The following MAP4K2 variants were observed in gnomAD, a reference collection of about 807,000 sequenced individuals.
The protein encoded by MAP4K2 is B lymphocyte serine/threonine protein kinase.
MAP4K2 carries 85 observed loss-of-function variants against 125.3 expected under a neutral mutation model. That is an observed-to-expected ratio of 0.68 (90% CI 0.57 to 0.81). MAP4K2 has a LOEUF of 0.81. Ranked by LOEUF, MAP4K2 falls within the 40% of genes least tolerant of loss-of-function variation. MAP4K2 has a pLI of 0.00. For missense variants in MAP4K2, 923 were observed against 1,056.4 expected (o/e 0.87, Z 1.75); for synonymous variants, 479 against 445.1 (o/e 1.08, Z -0.96).
rs1220644340 is a variant in MAP4K2 at position 64,788,177 on chromosome 11, A to G, written c.*1360T>C. 8 of 152,444 alleles carry G rather than the reference A, an allele frequency of 5.2e-5. No homozygotes were observed. Among genetic ancestry groups the G allele is most frequent in the Admixed American group, 1.3e-4 (2 of 15,290 alleles). 9.4% of individuals were successfully genotyped at this position (152,444 alleles called of 1,614,324 possible). A position where few individuals can be genotyped will look rare whatever the true frequency, so the allele number is the denominator to read the frequency against. On this transcript the variant is annotated 3_prime_UTR_variant, in exon 32 of 32. Coordinates refer to ENST00000294066, the MANE Select transcript of MAP4K2 (RefSeq NM_004579.5). ...GAGCCTACTCGCATGGCTGCCATCC[A>G]CCTACCACGTCACTCCGCAAGTCTT...
At position 64,796,906 on chromosome 11, in the gene MAP4K2, C is replaced by G. The variant is rs772640103; in HGVS notation, c.1408-13G>C. ...AGCAGGCGCCCATCTGCAGAGGAGGCAAGAGGCTGGCGAGGGAGTGCAGGG... is the reference window on the plus strand; with the variant it reads ...AGCAGGCGCCCATCTGCAGAGGAGGGAAGAGGCTGGCGAGGGAGTGCAGGG... On this transcript the variant is annotated splice_polypyrimidine_tract_variant and intron_variant, in intron 20 of 31. Transcript: ENST00000294066. 1 of 1,613,968 alleles carries G rather than the reference C, an allele frequency of 6.2e-7. No individual in the cohort carries two copies. The highest frequency in any genetic ancestry group is 8.5e-7 in the Non-Finnish European group (1 of 1,180,008).
Position 64,800,751 on chromosome 11 carries a change from GT to G in MAP4K2, c.725+12del, listed in dbSNP as rs1565624342. 1 of 1,596,096 alleles carries G rather than the reference GT, an allele frequency of 6.3e-7. No homozygotes were observed. Among genetic ancestry groups the G allele is most frequent in the East Asian group, 2.3e-5 (1 of 44,152 alleles). On this transcript the variant is annotated intron_variant, in intron 10 of 31. Transcript: ENST00000294066. ...CAGAAAAGGGGGTCCCGGCAGCAGG[GT>G]GTGGCCCTTACCAGCGAGTCTTATC...
In MAP4K2 at chr11:64,802,953, G is replaced by A. The variant is rs1327626259; in HGVS notation, c.97-11C>T. 10 of 1,569,684 alleles carry A rather than the reference G, an allele frequency of 6.4e-6. No individual in the cohort carries two copies. Among genetic ancestry groups the A allele is most frequent in the Non-Finnish European group, 6.9e-6 (8 of 1,158,768 alleles). ...GACCGTGTCGCGGGCCTGCAGGGGCGGAGGGTGAAGCGGGATGGGGGGCGG... is the reference window on the plus strand; with the variant it reads ...GACCGTGTCGCGGGCCTGCAGGGGCAGAGGGTGAAGCGGGATGGGGGGCGG... On this transcript the variant is annotated splice_polypyrimidine_tract_variant and intron_variant, in intron 1 of 31. Transcript: ENST00000294066.
intron 24 of MAP4K2, among the ~76,000 whole-genome samples, chr11:64,793,668 C>G (rs553571371): frequency 6.6e-6 from 1 of 152,198 alleles, no homozygotes; most frequent in Non-Finnish European, 1.5e-5. Flanking sequence ...TGGTCCTCGT[C>G]CCTCCCTCTC....
At chr11:64,795,513 G>T (rs1243232397) in intron 24 of MAP4K2, among the ~76,000 whole-genome samples, 2 of 151,892 alleles carry the variant, frequency 1.3e-5, no homozygotes, top group Admixed American at 6.6e-5. Flanking sequence ...CGATTCTCCT[G>T]TCTCAGCCTC....
At position 64,794,433 on chromosome 11, in the gene MAP4K2, C is replaced by T. The variant is rs916318083; in HGVS notation, c.1751+1840G>A. Among the ~76,000 whole-genome samples, 34 of 151,652 alleles carry T rather than the reference C, an allele frequency of 2.2e-4. 2 individuals carry two copies. The highest frequency in any genetic ancestry group is 2.0e-3 in the Admixed American group (31 of 15,228). On this transcript the variant is annotated intron_variant, in intron 24 of 31. Coordinates refer to ENST00000294066, the MANE Select transcript of MAP4K2 (RefSeq NM_004579.5). ...GGAGTGCAATGGTGCGATCTCGGCTCATTGCAACCTCCGCCTCCCAGGTTC... is the reference window on the plus strand; with the variant it reads ...GGAGTGCAATGGTGCGATCTCGGCTTATTGCAACCTCCGCCTCCCAGGTTC...
At chr11:64,790,003 C>A in intron 29 of MAP4K2, 44 bp from the exon 30 acceptor site, 2 of 1,605,350 alleles carry the variant, frequency 1.2e-6, no homozygotes, top group Non-Finnish European at 1.7e-6. Flanking sequence ...CATCTTGGCA[C>A]CCCCTCAGCC....
At position 64,797,663 on chromosome 11, in the gene MAP4K2, T is replaced by C. The variant is rs1463494082; in HGVS notation, c.1099A>G (p.Ser367Gly). Residue 367 changes from serine (S) to glycine (G), a missense_variant and splice_region_variant, in exon 16 of 32, where the codon AGC (serine) becomes GGC (glycine). Coordinates refer to ENST00000294066, the MANE Select transcript of MAP4K2 (RefSeq NM_004579.5). ...GCCTCCTGGACCGACTGCAGCAGGCTCCTGGGCAGTGGGGAAAAGGGGTCA... is the reference window on the plus strand; with the variant it reads ...GCCTCCTGGACCGACTGCAGCAGGCCCCTGGGCAGTGGGGAAAAGGGGTCA... ...TLLGKEELSG[S>G]LLQSVQEALE... 1 of 1,550,862 alleles carries C rather than the reference T, an allele frequency of 6.4e-7. No homozygotes were observed. Among genetic ancestry groups the C allele is most frequent in the South Asian group, 1.2e-5 (1 of 83,504 alleles).
Position 64,797,139 on chromosome 11 carries a change from C to CCGTGGGCAG in MAP4K2, c.1321_1329dup (p.Leu441_Thr443dup). On this transcript the variant is annotated inframe_insertion, in exon 19 of 32. Transcript: ENST00000294066. The stretch of plus-strand genomic sequence containing the variant: ...TCCCGCTGCTTCATGGTGGCCCAGG[C>CCGTGGGCAG]CGTGGGCAGCAGTGGGGAGCTGTTG... 6.2e-7 allele frequency: 1 copy of CCGTGGGCAG among 1,614,162 alleles called. No individual in the cohort carries two copies. The highest frequency in any genetic ancestry group is 8.5e-7 in the Non-Finnish European group (1 of 1,180,026).
chr11:64,790,148 G>A (rs1385308306), intron 29 of MAP4K2, 40 bp downstream of exon 29: 5 of 1,609,082 alleles, frequency 3.1e-6, no homozygotes. Flanking sequence ...ACGTGCTCCA[G>A]GCCAGGGAAA....
At chr11:64,802,832 C>A in intron 2 of MAP4K2, 53 bp downstream of exon 2, 1 of 1,562,654 alleles carries the variant, frequency 6.4e-7, no homozygotes, top group Non-Finnish European at 8.7e-7. Context: ...GCACCCCGCG[C>A]CCGCGGGCGC....
Position 64,801,954 on chromosome 11 carries a change from C to T in MAP4K2, c.366+112G>A. On this transcript the variant is annotated intron_variant, in intron 5 of 31. Coordinates refer to ENST00000294066, the MANE Select transcript of MAP4K2 (RefSeq NM_004579.5). ...CCCCTTTTCCCCAGGACCTACAGCCCCTCGGGCCAGCCCCACCCGAGGCAC... is the reference window on the plus strand; with the variant it reads ...CCCCTTTTCCCCAGGACCTACAGCCTCTCGGGCCAGCCCCACCCGAGGCAC... The T allele has an allele frequency of 6.4e-6, 8 of 1,246,186 alleles. No individual in the cohort carries two copies. In the South Asian group the frequency reaches 1.1e-4, roughly 18 times the overall value. 77.2% of individuals were successfully genotyped at this position (1,246,186 alleles called of 1,614,324 possible).
At position 64,793,424 on chromosome 11, in the gene MAP4K2, G is replaced by C. The variant is rs557775285; in HGVS notation, c.1752-1002C>G. On this transcript the variant is annotated intron_variant, in intron 24 of 31. Coordinates refer to ENST00000294066, the MANE Select transcript of MAP4K2 (RefSeq NM_004579.5). ...AGAGGCAACAGCCCTGTGGGGCCAG[G>C]GGGTGGCTTGCCTTGCTGTCGGGGT... is the stretch of plus-strand genomic sequence containing the variant. Among the ~76,000 whole-genome samples, 7 of 152,296 alleles carry C rather than the reference G, an allele frequency of 4.6e-5. No individual in the cohort carries two copies. The East Asian group carries it at 9.7e-4, about 21-fold the overall frequency.
chr11:64,797,172 AAGG>A lies in MAP4K2; in HGVS notation c.1294_1296del (p.Pro432del). On this transcript the variant is annotated inframe_deletion, in exon 19 of 32. Transcript: ENST00000294066. ...AGCAGTGGGGAGCTGTTGGGGCCTG[AAGG>A]AGGTGGGGGCAGGGTTCCTGCAGGC... 6.2e-7 allele frequency: 1 copy of A among 1,613,804 alleles called. No individual in the cohort carries two copies. The highest frequency in any genetic ancestry group is 8.5e-7 in the Non-Finnish European group (1 of 1,179,874).
In MAP4K2 at chr11:64,789,400, C is replaced by T; in HGVS notation, c.*137G>A. On this transcript the variant is annotated 3_prime_UTR_variant, in exon 32 of 32. Coordinates refer to ENST00000294066, the MANE Select transcript of MAP4K2 (RefSeq NM_004579.5). ...CCCTCCCCAGGCCTGAAACATTTCT[C>T]AGGATTACTTCTGACCTTCAGCCCC... 2.7e-6 allele frequency: 2 copies of T among 735,840 alleles called. No homozygotes were observed. Among genetic ancestry groups the T allele is most frequent in the Non-Finnish European group, 4.5e-6 (2 of 449,160 alleles). The allele number at this position is 735,840 out of a possible 1,614,324, so 45.6% of individuals were successfully genotyped here. A position where few individuals can be genotyped will look rare whatever the true frequency, so the allele number is the denominator to read the frequency against.
chr11:64,799,690 A>G lies in MAP4K2; in HGVS notation c.916-7T>C. 3 of 1,613,046 alleles carry G rather than the reference A, an allele frequency of 1.9e-6. No individual in the cohort carries two copies. Among genetic ancestry groups the G allele is most frequent in the Non-Finnish European group, 2.5e-6 (3 of 1,179,546 alleles). On this transcript the variant is annotated splice_polypyrimidine_tract_variant and splice_region_variant and intron_variant, in intron 12 of 31. Coordinates refer to ENST00000294066, the MANE Select transcript of MAP4K2 (RefSeq NM_004579.5). ...CTGGAAACATGTCATAGGTCTAAGG[A>G]AAAACAGAAACAGTGTGGACACACC...
rs889992138 is a variant in MAP4K2, at chr11:64,792,097, G to T, written c.1915-11C>A. 1 of 1,581,460 alleles carries T rather than the reference G, an allele frequency of 6.3e-7. No homozygotes were observed. The highest frequency in any genetic ancestry group is 1.3e-5 in the African/African-American group (1 of 74,172). On this transcript the variant is annotated splice_polypyrimidine_tract_variant and intron_variant, in intron 26 of 31. Coordinates refer to ENST00000294066, the MANE Select transcript of MAP4K2 (RefSeq NM_004579.5). ...AGGGCTGGAGAAGTTCTAGGGGGCA[G>T]CAGGGATGCTCAGGTCTCCATTTCT... is the stretch of plus-strand genomic sequence containing the variant.
chr11:64,797,317 G>A lies in MAP4K2; in HGVS notation c.1234C>T (p.Pro412Ser), dbSNP rs1242386237. 1.2e-6 allele frequency: 2 copies of A among 1,602,466 alleles called. No homozygotes were observed. Among genetic ancestry groups the A allele is most frequent in the Non-Finnish European group, 1.7e-6 (2 of 1,174,782 alleles). ...GGCTCCTCTGCTGGAGGGTCAGTGG[G>A]GAGTGGCCCTAGGAACGGGGCCCGC... ...IKRAPFLGPL[P>S]TDPPAEEPLS... The change falls in exon 18 of 32, where the codon CCC becomes TCC. Residue 412 changes from proline (P) to serine (S), a missense_variant. Pro to Ser is a moderately conservative substitution (Grantham distance 74, BLOSUM62 -1). Coordinates refer to ENST00000294066, the MANE Select transcript of MAP4K2 (RefSeq NM_004579.5).
rs1941283372 is a variant in MAP4K2 at position 64,802,636 on chromosome 11, G to A, written c.172C>T (p.Leu58Phe). 6.2e-7 allele frequency: 1 copy of A among 1,612,538 alleles called. No homozygotes were observed. Among genetic ancestry groups the A allele is most frequent in the Middle Eastern group, 1.7e-4 (1 of 6,058 alleles). ...KLDPGDDISS[L>F]QQEITILREC... ...CGCAGGATGGTGATTTCCTGCTGGAGGGAGCTGATGTCGTCCCCTGGGAAG... is the reference window on the plus strand; with the variant it reads ...CGCAGGATGGTGATTTCCTGCTGGAAGGAGCTGATGTCGTCCCCTGGGAAG... Residue 58 changes from leucine (L) to phenylalanine (F), a missense_variant, in exon 3 of 32, where the codon CTC (leucine) becomes TTC (phenylalanine). This residue lies in a region of MAP4K2 where 833 missense variants were observed against 911.4 expected (regional missense o/e 0.91). Transcript: ENST00000294066.
Sources: gnomAD v4.1 joint callset for allele counts (sites outside exome capture counted in the v4.1 genomes callset) on GRCh38, gnomAD v4.1.1 for gene constraint, gnomAD v4.1.1 regional missense constraint, MANE v1.5 for transcripts, NCBI Gene and HGNC (gene_info 2026-07-23, HGNC 2026-07-21) for gene names.